The following NACC2 variants were observed in gnomAD, a reference collection of about 807,000 sequenced individuals.
The protein encoded by NACC2 is NACC family member 2.
NACC2 carries 8 observed loss-of-function variants against 25.1 expected under a neutral mutation model. That is an observed-to-expected ratio of 0.32 (90% CI 0.19 to 0.57). The LOEUF is 0.57. NACC2 is among the 20% of genes least tolerant of loss of function. The pLI, the probability that NACC2 is intolerant of heterozygous loss-of-function variation, is 0.89. For synonymous variants in NACC2, 435 were observed against 294.7 expected (o/e 1.48, Z -4.88); for missense variants, 644 against 650.2 (o/e 0.99, Z 0.10).
Position 136,011,780 on chromosome 9 carries a change from C to T in NACC2, c.1500G>A (p.Arg500=). The change falls in exon 6 of 6, where the codon CGG becomes CGA. Residue 500 remains arginine, a synonymous_variant. Coordinates refer to ENST00000277554, the MANE Select transcript of NACC2 (RefSeq NM_144653.5). ...VFEQRIYAER[R]GDAATIVALR... is the part of the protein sequence containing the mutation. ...GAGCCACGATGGTGGCGGCGTCGCCCCGCCGCTCGGCGTAGATGCGTTGCT... is the reference window on the plus strand; with the variant it reads ...GAGCCACGATGGTGGCGGCGTCGCCTCGCCGCTCGGCGTAGATGCGTTGCT... 6.5e-7 allele frequency: 1 copy of T among 1,546,444 alleles called. No individual in the cohort carries two copies. Among genetic ancestry groups the T allele is most frequent in the South Asian group, 1.2e-5 (1 of 83,788 alleles).
At position 136,018,022 on chromosome 9, in the gene NACC2, G is replaced by A. The variant is rs1386989361; in HGVS notation, c.887-1593C>T. 1.3e-5 allele frequency among the ~76,000 whole-genome samples: 2 copies of A among 152,156 alleles called. No individual in the cohort carries two copies. The highest frequency in any genetic ancestry group is 1.3e-4 in the Admixed American group (2 of 15,290). On this transcript the variant is annotated intron_variant, in intron 2 of 5. Transcript: ENST00000277554. This position sits in a 1 kb window ranked among gnomAD's most constrained non-coding sequence, Gnocchi z 4.4. ...GTGATGGGAAGTCCCCCGGTGGGGG[G>A]CGGGGGGCAGCTTGCAGGACCTGCT...
rs1840242295 is a variant in NACC2 at position 136,018,818 on chromosome 9, G to T, written c.887-2389C>A. ...ACATAATTACACACCCCCACCCCCG[G>T]TGCAGCCTGCTGTGATTACACACGC... On this transcript the variant is annotated intron_variant, in intron 2 of 5. Coordinates refer to ENST00000277554, the MANE Select transcript of NACC2 (RefSeq NM_144653.5). This position sits in a 1 kb window ranked among gnomAD's most constrained non-coding sequence, Gnocchi z 4.4. 6.6e-6 allele frequency among the ~76,000 whole-genome samples: 1 copy of T among 152,192 alleles called. No homozygotes were observed. Among genetic ancestry groups the T allele is most frequent in the East Asian group, 1.9e-4 (1 of 5,196 alleles).
At chr9:136,036,598 A>G (rs1840558232) in intron 2 of NACC2, among the ~76,000 whole-genome samples, 1 of 152,222 alleles carries the variant, frequency 6.6e-6, no homozygotes, top group African/African-American at 2.4e-5. Flanking sequence ...TATTATAAAC[A>G]TGATCAGAGC....
chr9:136,024,325 A>T, intron 2 of NACC2, among the ~76,000 whole-genome samples: 1 of 125,068 alleles, frequency 8.0e-6, no homozygotes, highest in East Asian at 2.6e-4. Context: ...GTGTGAGGAC[A>T]GAGTGTGTGT....
intron 1 of NACC2, among the ~76,000 whole-genome samples, chr9:136,067,760 G>A (rs912033005): frequency 3.9e-5 from 6 of 152,188 alleles, no homozygotes; most frequent in South Asian, 2.1e-4. Flanking sequence ...ACTTGAACCC[G>A]GGAGGCGGAG....
chr9:136,028,968 G>A (rs918141088), intron 2 of NACC2, among the ~76,000 whole-genome samples: 2 of 152,226 alleles, frequency 1.3e-5, no homozygotes, highest in Non-Finnish European at 2.9e-5. Flanking sequence ...CAAGAGGGAG[G>A]CCGAGGTGGG....
chr9:136,055,954 G>C lies in NACC2; in HGVS notation c.-59-5374C>G, dbSNP rs1379904254. The stretch of plus-strand genomic sequence containing the variant: ...TGCTCTGGAGTCAGCAGGAGCACAG[G>C]GGGTGTTAGGAATACAGTCTGGGGG... On this transcript the variant is annotated intron_variant, in intron 1 of 5. Coordinates refer to ENST00000277554, the MANE Select transcript of NACC2 (RefSeq NM_144653.5). The surrounding 1 kb of genome is among the most constrained non-coding windows in gnomAD (Gnocchi z 4.9). Among the ~76,000 whole-genome samples, 2 of 152,212 alleles carry C rather than the reference G, an allele frequency of 1.3e-5. No homozygotes were observed. Among genetic ancestry groups the C allele is most frequent in the Admixed American group, 6.5e-5 (1 of 15,284 alleles).
chr9:136,049,228 G>A (rs2131161505), intron 2 of NACC2, among the ~76,000 whole-genome samples: 1 of 152,340 alleles, frequency 6.6e-6, no homozygotes, highest in Non-Finnish European at 1.5e-5. Context: ...GTGGCAAAGG[G>A]GCTGGGTTCA....
intron 2 of NACC2, among the ~76,000 whole-genome samples, chr9:136,030,121 C>T (rs1028895571): frequency 2.8e-4 from 42 of 152,126 alleles, no homozygotes; most frequent in Non-Finnish European, 5.4e-4. Flanking sequence ...GTGAGCCACC[C>T]GCCTCAGCTT....
intron 2 of NACC2, among the ~76,000 whole-genome samples, chr9:136,025,922 C>CA (rs555437072): frequency 1.9e-4 from 28 of 150,918 alleles, no homozygotes; most frequent in Admixed American, 5.9e-4. Flanking sequence ...CGAAAACAAA[C>CA]AAAAAAAATC....
At chr9:136,064,197 G>GC (rs2131173172) in intron 1 of NACC2, among the ~76,000 whole-genome samples, 1 of 152,194 alleles carries the variant, frequency 6.6e-6, no homozygotes, top group Admixed American at 6.5e-5. Flanking sequence ...GCTGAGGGGG[G>GC]AGAATCACTT....
At chr9:136,093,181 T>C (rs1830450979) in intron 1 of NACC2, among the ~76,000 whole-genome samples, 1 of 152,116 alleles carries the variant, frequency 6.6e-6, no homozygotes. Context: ...GAGACCACAC[T>C]GCCCACAAAC....
chr9:136,051,952 G>A (rs1222062548), intron 1 of NACC2, among the ~76,000 whole-genome samples: 1 of 149,442 alleles, frequency 6.7e-6, no homozygotes, highest in Non-Finnish European at 1.5e-5. Flanking sequence ...AGAGCGCCTG[G>A]GCGCTGGGCT....
intron 1 of NACC2, among the ~76,000 whole-genome samples, chr9:136,082,917 GC>G (rs1380178341): frequency 3.9e-5 from 6 of 152,168 alleles, no homozygotes; most frequent in Admixed American, 3.9e-4. Context: ...CCCTCTCTAC[GC>G]CTAGGATTTT....
chr9:136,036,720 C>G (rs1011804745), intron 2 of NACC2, among the ~76,000 whole-genome samples: 2 of 152,152 alleles, frequency 1.3e-5, no homozygotes, highest in Non-Finnish European at 2.9e-5. Context: ...AGAGATTACT[C>G]GGCTGAAAGC....
intron 2 of NACC2, among the ~76,000 whole-genome samples, chr9:136,037,648 C>T (rs1191255186): frequency 6.6e-6 from 1 of 151,948 alleles, no homozygotes; most frequent in Non-Finnish European, 1.5e-5. Flanking sequence ...GCTGGGATTA[C>T]AGGCACCCGC....
intron 1 of NACC2, among the ~76,000 whole-genome samples, chr9:136,060,193 C>T (rs1466995363): frequency 3.9e-5 from 6 of 152,238 alleles, no homozygotes; most frequent in South Asian, 2.1e-4. Flanking sequence ...TAATTGTCCT[C>T]GTGCGCCAGT....
intron 1 of NACC2, among the ~76,000 whole-genome samples, chr9:136,085,224 A>G (rs948113953): frequency 6.3e-5 from 8 of 127,690 alleles, no homozygotes; most frequent in Non-Finnish European, 1.2e-4. Context: ...ATCTCAGCTC[A>G]CTGCAACCTC....
intron 2 of NACC2, among the ~76,000 whole-genome samples, chr9:136,038,911 A>G (rs1840592190): frequency 6.6e-6 from 1 of 152,242 alleles, no homozygotes; most frequent in Non-Finnish European, 1.5e-5. Context: ...CATATTCAAC[A>G]GAGAAACATG....
Sources: gnomAD v4.1 joint callset for allele counts (sites outside exome capture counted in the v4.1 genomes callset) on GRCh38, gnomAD v4.1.1 for gene constraint, Gnocchi (gnomAD v3.1) non-coding constraint, MANE v1.5 for transcripts, NCBI Gene and HGNC (gene_info 2026-07-23, HGNC 2026-07-21) for gene names.